The following AGAP1 variants were observed in gnomAD, a reference collection of about 807,000 sequenced individuals.
AGAP1 encodes the protein arf-GAP with GTPase, ANK repeat and PH domain-containing protein 1.
In AGAP1, 29 loss-of-function variants were observed where a neutral mutation model predicts 105.3. The observed-to-expected ratio is 0.28, with a 90% confidence interval of 0.21 to 0.38. The LOEUF is 0.38. Among genes scored for constraint, AGAP1 ranks in the 10% least tolerant of loss-of-function variants. AGAP1 has a pLI of 1.00. For missense variants in AGAP1, 998 were observed against 1,165.1 expected (o/e 0.86, Z 2.09); for synonymous variants, 509 against 485.9 (o/e 1.05, Z -0.63).
In AGAP1 at chr2:235,906,271, G is replaced by A. The variant is rs573077352; in HGVS notation, c.1156-2467G>A. ...CTGGATAGCCTGTCTGTCCTTTGCC[G>A]GGGAATGCCCGGCCTTGCCCCTGCC... On this transcript the variant is annotated intron_variant, in intron 10 of 17. Coordinates refer to ENST00000304032, the MANE Select transcript of AGAP1 (RefSeq NM_001037131.3). This position sits in a 1 kb window ranked among gnomAD's most constrained non-coding sequence, Gnocchi z 5.3. Among the ~76,000 whole-genome samples, 15 of 152,190 alleles carry A rather than the reference G, an allele frequency of 9.9e-5. No individual in the cohort carries two copies. Among genetic ancestry groups the A allele is most frequent in the Admixed American group, 8.5e-4 (13 of 15,286 alleles).
intron 13 of AGAP1, among the ~76,000 whole-genome samples, chr2:235,995,476 T>G (rs527970391): frequency 5.9e-5 from 9 of 152,306 alleles, no homozygotes; most frequent in African/African-American, 1.9e-4. Flanking sequence ...ATAGTGCCAC[T>G]GCACTTAAGC....
At position 236,123,823 on chromosome 2, in the gene AGAP1, G is replaced by A; in HGVS notation, c.2371-96G>A. The A allele has an allele frequency of 6.7e-7, 1 of 1,483,528 alleles. No homozygotes were observed. Among genetic ancestry groups the A allele is most frequent in the Admixed American group, 1.9e-5 (1 of 52,864 alleles). The allele number at this position is 1,483,528 out of a possible 1,614,324, so 91.9% of individuals were successfully genotyped here. Reference sequence around the variant, plus strand: ...TTGTGTAGCTGGCCCCGCTGTCCAAGCACAAGCCACATGCAAGGGCTGAGA... The same window carrying A: ...TTGTGTAGCTGGCCCCGCTGTCCAAACACAAGCCACATGCAAGGGCTGAGA... On this transcript the variant is annotated intron_variant, in intron 17 of 17. Coordinates refer to ENST00000304032, the MANE Select transcript of AGAP1 (RefSeq NM_001037131.3). This position sits in a 1 kb window ranked among gnomAD's most constrained non-coding sequence, Gnocchi z 4.6.
chr2:235,510,374 C>T (rs1411626199), intron 1 of AGAP1, among the ~76,000 whole-genome samples: 1 of 152,166 alleles, frequency 6.6e-6, no homozygotes, highest in Non-Finnish European at 1.5e-5. Flanking sequence ...TTACATATAT[C>T]CATAGCTTTT....
rs2049085913 is a variant in AGAP1, at chr2:235,864,883, G to A, written c.1051-18462G>A. 6.6e-6 allele frequency among the ~76,000 whole-genome samples: 1 copy of A among 152,006 alleles called. No individual in the cohort carries two copies. Among genetic ancestry groups the A allele is most frequent in the African/African-American group, 2.4e-5 (1 of 41,350 alleles). On this transcript the variant is annotated intron_variant, in intron 9 of 17. Coordinates refer to ENST00000304032, the MANE Select transcript of AGAP1 (RefSeq NM_001037131.3). The surrounding 1 kb of genome is among the most constrained non-coding windows in gnomAD (Gnocchi z 5.0). ...TCAAAATTCCTTTGATTAGCATTTG[G>A]TTCTGGTTGGGACTTAATAATGCTA...
At position 235,887,763 on chromosome 2, in the gene AGAP1, A is replaced by C. The variant is rs529887227; in HGVS notation, c.1155+4314A>C. Among the ~76,000 whole-genome samples, 3 of 152,360 alleles carry C rather than the reference A, an allele frequency of 2.0e-5. No homozygotes were observed. The highest frequency in any genetic ancestry group is 7.2e-5 in the African/African-American group (3 of 41,590). On this transcript the variant is annotated intron_variant, in intron 10 of 17. Transcript: ENST00000304032. The surrounding 1 kb of genome is among the most constrained non-coding windows in gnomAD (Gnocchi z 4.1). ...AGGTTGCTGCACCGATTCCTGGTGT[A>C]TACCACTAATTTAAGAAGCCCAGGT...
chr2:235,603,026 T>C (rs1485465818), intron 1 of AGAP1, among the ~76,000 whole-genome samples: 4 of 152,254 alleles, frequency 2.6e-5, no homozygotes, highest in African/African-American at 4.8e-5. Flanking sequence ...CTTACTGATA[T>C]GGTTTGGCTG....
intron 1 of AGAP1, among the ~76,000 whole-genome samples, chr2:235,675,677 C>T (rs2149378055): frequency 6.6e-6 from 1 of 152,224 alleles, no homozygotes; most frequent in South Asian, 2.1e-4. Context: ...TTGTTTAGGG[C>T]TAAAATGATT....
At position 235,625,683 on chromosome 2, in the gene AGAP1, G is replaced by A. The variant is rs1946615665; in HGVS notation, c.164-83496G>A. Among the ~76,000 whole-genome samples the A allele has an allele frequency of 6.6e-6, 1 of 152,200 alleles. No homozygotes were observed. The highest frequency in any genetic ancestry group is 2.4e-5 in the African/African-American group (1 of 41,450). On this transcript the variant is annotated intron_variant, in intron 1 of 17. Coordinates refer to ENST00000304032, the MANE Select transcript of AGAP1 (RefSeq NM_001037131.3). The surrounding 1 kb of genome is among the most constrained non-coding windows in gnomAD (Gnocchi z 4.0). The stretch of plus-strand genomic sequence containing the variant: ...CTTTTCTAAATACAGAGTTGGTTGT[G>A]ACATATTCAGCTGGGGGAAAATAGT...
At chr2:236,111,356 A>C (rs1014349721) in intron 16 of AGAP1, among the ~76,000 whole-genome samples, 4 of 137,146 alleles carry the variant, frequency 2.9e-5, no homozygotes, top group Non-Finnish European at 6.0e-5. Flanking sequence ...CTATCTCTAC[A>C]AAAAAAAAAA....
rs956614931 is a variant in AGAP1 at position 235,887,753 on chromosome 2, T to C, written c.1155+4304T>C. ...ATCAATAGTGAGGTTGCTGCACCGA[T>C]TCCTGGTGTATACCACTAATTTAAG... On this transcript the variant is annotated intron_variant, in intron 10 of 17. Coordinates refer to ENST00000304032, the MANE Select transcript of AGAP1 (RefSeq NM_001037131.3). The surrounding 1 kb of genome is among the most constrained non-coding windows in gnomAD (Gnocchi z 4.1). Among the ~76,000 whole-genome samples the C allele has an allele frequency of 1.3e-5, 2 of 152,202 alleles. No homozygotes were observed. The highest frequency in any genetic ancestry group is 2.9e-5 in the Non-Finnish European group (2 of 68,038).
At chr2:235,634,281 T>C (rs1559303216) in intron 1 of AGAP1, among the ~76,000 whole-genome samples, 1 of 152,236 alleles carries the variant, frequency 6.6e-6, no homozygotes, top group Non-Finnish European at 1.5e-5. Context: ...TGTGTATCTC[T>C]GTGTACCTGT....
intron 1 of AGAP1, among the ~76,000 whole-genome samples, chr2:235,678,248 A>C (rs187680629): frequency 6.6e-6 from 1 of 152,252 alleles, no homozygotes; most frequent in East Asian, 1.9e-4. Flanking sequence ...ATAGATGTCT[A>C]TTCTCTCCTG....
rs1326420257 is a variant in AGAP1, at chr2:236,125,235, A to G, written c.*1113A>G. The G allele has an allele frequency of 1.3e-5, 2 of 154,370 alleles. No homozygotes were observed. Among genetic ancestry groups the G allele is most frequent in the African/African-American group, 4.8e-5 (2 of 41,464 alleles). The allele number at this position is 154,370 out of a possible 1,614,324, so 9.6% of individuals were successfully genotyped here. A position where few individuals can be genotyped will look rare whatever the true frequency, so the allele number is the denominator to read the frequency against. ...AAGATGTGTGAAAATATATTTGAAT[A>G]AAAGAAGTTCATAAATATGCATTGA... On this transcript the variant is annotated 3_prime_UTR_variant, in exon 18 of 18. Coordinates refer to ENST00000304032, the MANE Select transcript of AGAP1 (RefSeq NM_001037131.3). The surrounding 1 kb of genome is among the most constrained non-coding windows in gnomAD (Gnocchi z 5.2).
chr2:236,083,332 C>T lies in AGAP1; in HGVS notation c.2114+34051C>T, dbSNP rs2058838213. Among the ~76,000 whole-genome samples the T allele has an allele frequency of 6.6e-6, 1 of 152,140 alleles. No individual in the cohort carries two copies. The highest frequency in any genetic ancestry group is 2.4e-5 in the African/African-American group (1 of 41,426). On this transcript the variant is annotated intron_variant, in intron 16 of 17. Transcript: ENST00000304032. This position sits in a 1 kb window ranked among gnomAD's most constrained non-coding sequence, Gnocchi z 5.3. Reference sequence around the variant, plus strand: ...GTTTGTTGCAAGGAAGCGTCGTCCTCCTCACGGGCTCTTTACGTTGACATT... The same window carrying T: ...GTTTGTTGCAAGGAAGCGTCGTCCTTCTCACGGGCTCTTTACGTTGACATT...
chr2:235,774,086 T>TA, intron 6 of AGAP1: 1 of 426,340 alleles, frequency 2.3e-6, no homozygotes, highest in Non-Finnish European at 4.7e-6. Context: ...CAGATTGTTT[T>TA]ACTGCCTTGC....
chr2:236,008,341 C>G (rs1011353805), intron 13 of AGAP1, among the ~76,000 whole-genome samples: 3 of 152,194 alleles, frequency 2.0e-5, no homozygotes, highest in African/African-American at 7.2e-5. Flanking sequence ...CCAAAAAAGC[C>G]TTTCCTTTGC....
At chr2:236,031,416 G>T (rs559646409) in intron 13 of AGAP1, among the ~76,000 whole-genome samples, 3 of 152,138 alleles carry the variant, frequency 2.0e-5, no homozygotes, top group African/African-American at 7.2e-5. Flanking sequence ...CTAGCTGATC[G>T]CAGATCCTTC....
At chr2:235,561,559 C>T (rs937492909) in intron 1 of AGAP1, among the ~76,000 whole-genome samples, 2 of 152,140 alleles carry the variant, frequency 1.3e-5, no homozygotes, top group African/African-American at 4.8e-5. Flanking sequence ...TGCCTGGCTT[C>T]CTTCTAAGGT....
chr2:235,797,487 A>C (rs1001153355), intron 6 of AGAP1, among the ~76,000 whole-genome samples: 4 of 151,906 alleles, frequency 2.6e-5, no homozygotes, highest in African/African-American at 9.7e-5. Flanking sequence ...GAAGATCCTT[A>C]AAAGCTGCCC....
Sources: allele counts gnomAD v4.1 joint callset (sites outside exome capture counted in the v4.1 genomes callset), GRCh38; gene constraint gnomAD v4.1.1; non-coding constraint Gnocchi (gnomAD v3.1); transcripts MANE v1.5; gene names NCBI Gene and HGNC (gene_info 2026-07-23, HGNC 2026-07-21).